Variants in ADAMTS5 observed in about 807,000 individuals in gnomAD.
ADAMTS5 encodes the protein ADAM metallopeptidase with thrombospondin type 1 motif 5.
ADAMTS5 carries 54 observed loss-of-function variants against 81.4 expected under a neutral mutation model. That is an observed-to-expected ratio of 0.66 (90% CI 0.53 to 0.83). ADAMTS5 has a LOEUF of 0.83. ADAMTS5 is among the 40% of genes least tolerant of loss of function. ADAMTS5 has a pLI of 0.00. For synonymous variants in ADAMTS5, 532 were observed against 508.8 expected, an observed-to-expected ratio of 1.05 and a Z score of -0.61; for missense variants, 1,194 against 1,229.9, an observed-to-expected ratio of 0.97 and a Z score of 0.44.
intron 6 of ADAMTS5, among the ~76,000 whole-genome samples, chr21:26,931,158 T>C (rs913511222): frequency 6.6e-6 from 1 of 152,148 alleles, no homozygotes; most frequent in Non-Finnish European, 1.5e-5. Flanking sequence ...ATGATTCTCC[T>C]GCCTCAGCCT....
intron 7 of ADAMTS5, among the ~76,000 whole-genome samples, chr21:26,925,146 G>A (rs940839331): frequency 5.9e-5 from 9 of 152,072 alleles, no homozygotes; most frequent in Admixed American, 2.6e-4. Flanking sequence ...TTCCAGGGTC[G>A]GGCACAGTCA....
chr21:26,932,739 C>T, intron 5 of ADAMTS5, 122 bp downstream of exon 5: 1 of 1,086,338 alleles, frequency 9.2e-7, no homozygotes, highest in South Asian at 2.0e-5. Flanking sequence ...TATTGATCTG[C>T]ATATTGGTGG....
chr21:26,945,755 T>C (rs1397351731), intron 2 of ADAMTS5, among the ~76,000 whole-genome samples: 5 of 152,190 alleles, frequency 3.3e-5, no homozygotes, highest in Non-Finnish European at 7.3e-5. Flanking sequence ...TATAACATTA[T>C]GACTTCTATG....
intron 5 of ADAMTS5, 71 bp from the exon 6 acceptor site, chr21:26,932,250 T>C: frequency 2.0e-6 from 3 of 1,496,238 alleles, no homozygotes; most frequent in Non-Finnish European, 2.7e-6. Context: ...TGGGTTTAAA[T>C]AGTTAATTTT....
chr21:26,939,775 C>A (rs148174709), intron 3 of ADAMTS5: 1 of 152,300 alleles, frequency 6.6e-6, no homozygotes, highest in Non-Finnish European at 1.5e-5. Flanking sequence ...AATTCAATAA[C>A]CTGCTTTCAC....
intron 7 of ADAMTS5, among the ~76,000 whole-genome samples, chr21:26,927,574 G>A (rs1343108346): frequency 6.6e-6 from 1 of 152,166 alleles, no homozygotes; most frequent in Non-Finnish European, 1.5e-5. Flanking sequence ...AAGGGACAGT[G>A]TAGAAAAGAC....
intron 4 of ADAMTS5, among the ~76,000 whole-genome samples, chr21:26,933,543 A>G (rs1160361761): frequency 1.3e-5 from 2 of 152,198 alleles, no homozygotes; most frequent in Admixed American, 6.5e-5. Flanking sequence ...GACCGACTCC[A>G]TGACGTTCAT....
At position 26,965,943 on chromosome 21, in the gene ADAMTS5, C is replaced by T; in HGVS notation, c.449G>A (p.Gly150Glu). 15 of 1,613,720 alleles carry T rather than the reference C, an allele frequency of 9.3e-6. No homozygotes were observed. The highest frequency in any genetic ancestry group is 2.2e-5 in the South Asian group (2 of 91,064). The change falls in exon 1 of 8, where the codon GGG (glycine) becomes GAG (glutamate). Residue 150 changes from glycine (G) to glutamate (E), a missense_variant. Gly to Glu is a moderately conservative substitution (Grantham distance 98). This residue lies in a region of ADAMTS5 where 498 missense variants were observed against 412.3 expected (regional missense o/e 1.21). Coordinates refer to ENST00000284987, the MANE Select transcript of ADAMTS5 (RefSeq NM_007038.5). The part of the protein sequence containing the change: ...PRSLAVFDLC[G>E]GLDGFFAVKH... ...GACCGCGAAGAAGCCGTCGAGACCC[C>T]CACAGAGGTCAAAGACAGCCAGAGA...
At chr21:26,932,478 G>C (rs772445148) in intron 5 of ADAMTS5, among the ~76,000 whole-genome samples, 53 of 152,232 alleles carry the variant, frequency 3.5e-4, no homozygotes, top group Non-Finnish European at 6.0e-4. Flanking sequence ...TGGATCACAA[G>C]GTCAGGAGTG....
At chr21:26,934,770 G>T (rs764045738) in intron 3 of ADAMTS5, 21 bp from the exon 4 acceptor site, 5 of 1,610,076 alleles carry the variant, frequency 3.1e-6, no homozygotes, top group South Asian at 1.1e-5. Context: ...AACTGAGATT[G>T]ACCACGGCTC....
chr21:26,935,473 A>T (rs1335740191), intron 3 of ADAMTS5, among the ~76,000 whole-genome samples: 1 of 152,222 alleles, frequency 6.6e-6, no homozygotes, highest in African/African-American at 2.4e-5. Context: ...AGATTCACAG[A>T]ACAAAGGAGC....
At chr21:26,926,571 G>T (rs1223546264) in intron 7 of ADAMTS5, among the ~76,000 whole-genome samples, 2 of 152,070 alleles carry the variant, frequency 1.3e-5, no homozygotes, top group African/African-American at 4.8e-5. Flanking sequence ...TATGCTGGAG[G>T]CTGAGGCAGG....
chr21:26,943,889 G>A (rs229052), intron 2 of ADAMTS5, among the ~76,000 whole-genome samples: 107,081 of 151,994 alleles, frequency 0.7, 38,124 homozygotes, highest in South Asian at 0.8. Context: ...CCCTCACCAC[G>A]TATCATTTTG....
intron 2 of ADAMTS5, among the ~76,000 whole-genome samples, chr21:26,951,679 C>CAAAAAAA (rs58060427): frequency 6.4e-5 from 3 of 46,628 alleles, no homozygotes; most frequent in African/African-American, 1.7e-4. Flanking sequence ...CCCTCCATCT[C>CAAAAAAA]AAAAAAAAAA....
intron 3 of ADAMTS5, among the ~76,000 whole-genome samples, chr21:26,939,110 G>A (rs1268528592): frequency 6.6e-6 from 1 of 152,120 alleles, no homozygotes; most frequent in Non-Finnish European, 1.5e-5. Context: ...AAAGAAAAAT[G>A]GGTGCATTTG....
chr21:26,931,078 C>T (rs1003220056), intron 6 of ADAMTS5, among the ~76,000 whole-genome samples: 2 of 151,974 alleles, frequency 1.3e-5, no homozygotes, highest in African/African-American at 2.4e-5. Context: ...GACAGAGTCT[C>T]GCTCTGTCAC....
intron 2 of ADAMTS5, among the ~76,000 whole-genome samples, chr21:26,950,557 A>T (rs1293350405): frequency 6.6e-6 from 1 of 152,210 alleles, no homozygotes; most frequent in Admixed American, 6.5e-5. Flanking sequence ...ATATAACACA[A>T]GAAGGAAAGC....
chr21:26,943,264 T>C, intron 3 of ADAMTS5, 116 bp downstream of exon 3: 1 of 1,048,170 alleles, frequency 9.5e-7, no homozygotes, highest in South Asian at 1.8e-5. Context: ...TCTGACACTA[T>C]CCACACAACT....
chr21:26,919,636 T>C lies in ADAMTS5; in HGVS notation c.*4417A>G, dbSNP rs1221632783. Reference sequence around the variant, plus strand: ...TTCCAATTTTTTGGCTAATGCATGGTTTTGTATTTCAATATGTTCTCATAC... The same window carrying C: ...TTCCAATTTTTTGGCTAATGCATGGCTTTGTATTTCAATATGTTCTCATAC... On this transcript the variant is annotated 3_prime_UTR_variant, in exon 8 of 8. Transcript: ENST00000284987. 1 of 152,066 alleles carries C rather than the reference T, an allele frequency of 6.6e-6. No individual in the cohort carries two copies. Among genetic ancestry groups the C allele is most frequent in the Non-Finnish European group, 1.5e-5 (1 of 67,974 alleles). 9.4% of individuals were successfully genotyped at this position (152,066 alleles called of 1,614,324 possible).
Sources: allele counts gnomAD v4.1 joint callset (sites outside exome capture counted in the v4.1 genomes callset), GRCh38; gene constraint gnomAD v4.1.1; regional missense constraint gnomAD v4.1.1; transcripts MANE v1.5; gene names NCBI Gene and HGNC (gene_info 2026-07-23, HGNC 2026-07-21).